Variants in CDC42BPA observed in about 807,000 individuals in gnomAD.
CDC42BPA encodes CDC42 binding protein kinase alpha, also known as serine/threonine-protein kinase MRCK alpha.
Under a neutral mutation model 223.5 loss-of-function variants are expected in CDC42BPA, and 80 were observed. That is an observed-to-expected ratio of 0.36 (90% CI 0.30 to 0.43). The LOEUF (loss-of-function observed/expected upper bound fraction) is 0.43. Ranked by LOEUF, CDC42BPA falls within the 20% of genes least tolerant of loss-of-function variation. CDC42BPA has a pLI of 1.00. For synonymous variants in CDC42BPA, 694 were observed against 718.6 expected, an observed-to-expected ratio of 0.97 and a Z score of 0.55; for missense variants, 1,743 against 2,099.9, an observed-to-expected ratio of 0.83 and a Z score of 3.32.
intron 35 of CDC42BPA, among the ~76,000 whole-genome samples, chr1:227,000,517 ACCTT>A (rs1429934941): frequency 6.6e-6 from 1 of 152,158 alleles, no homozygotes; most frequent in East Asian, 1.9e-4. Context: ...AAGTTATTTT[ACCTT>A]CCTGAGTTTC....
chr1:227,265,189 C>T (rs1435580235), intron 1 of CDC42BPA: 1 of 643,888 alleles, frequency 1.6e-6, no homozygotes, highest in Non-Finnish European at 2.9e-6. Context: ...AGCACAAACA[C>T]CAAAGCGTGC....
intron 23 of CDC42BPA, among the ~76,000 whole-genome samples, chr1:227,040,940 T>A (rs1349235000): frequency 6.6e-6 from 1 of 152,230 alleles, no homozygotes; most frequent in Admixed American, 6.5e-5. Flanking sequence ...TCTCTTAGCA[T>A]GTTTTAACAA....
chr1:226,992,224 G>C lies in CDC42BPA; in HGVS notation c.*2044C>G, dbSNP rs1660848233. 1.3e-5 allele frequency: 2 copies of C among 152,186 alleles called. No individual in the cohort carries two copies. The highest frequency in any genetic ancestry group is 6.5e-5 in the Admixed American group (1 of 15,280). The allele number at this position is 152,186 out of a possible 1,614,324, so 9.4% of individuals were successfully genotyped here. On this transcript the variant is annotated 3_prime_UTR_variant, in exon 37 of 37. Transcript: ENST00000366766. ...CTAAAGGGCCAACCCTTGGTATTCAGGTGAGAAAAGTATTTTTATACTTCA... is the reference window on the plus strand; with the variant it reads ...CTAAAGGGCCAACCCTTGGTATTCACGTGAGAAAAGTATTTTTATACTTCA...
At chr1:227,281,710 A>C (rs1052521628) in intron 1 of CDC42BPA, among the ~76,000 whole-genome samples, 1 of 152,152 alleles carries the variant, frequency 6.6e-6, no homozygotes, top group South Asian at 2.1e-4. Flanking sequence ...AAGTGCTCCA[A>C]CTCAGACAAT....
At chr1:227,260,609 G>A (rs895175778) in intron 1 of CDC42BPA, among the ~76,000 whole-genome samples, 2 of 151,174 alleles carry the variant, frequency 1.3e-5, no homozygotes, top group Admixed American at 6.6e-5. Context: ...GCATAAGTGA[G>A]AAGAAAAGAT....
Position 227,176,118 on chromosome 1 carries a change from A to C in CDC42BPA, c.600-15482T>G, listed in dbSNP as rs147284261. On this transcript the variant is annotated intron_variant, in intron 5 of 36. Transcript: ENST00000366766. The stretch of plus-strand genomic sequence containing the variant: ...CAGGCGTGTGATACCATACCGGGCT[A>C]ATTTTTGTATCTGTAGTAGAGACAG... 1.2e-3 allele frequency among the ~76,000 whole-genome samples: 185 copies of C among 152,152 alleles called. 5 individuals are homozygous for C. In the East Asian group the frequency reaches 0.027, roughly 22 times the overall value.
intron 2 of CDC42BPA, among the ~76,000 whole-genome samples, chr1:227,247,072 G>A (rs1043345747): frequency 6.6e-6 from 1 of 151,732 alleles, no homozygotes; most frequent in Admixed American, 6.6e-5. Context: ...GTGGTGGTGG[G>A]TGCCTGTAAT....
intron 10 of CDC42BPA, among the ~76,000 whole-genome samples, chr1:227,133,958 A>C (rs1657933010): frequency 7.2e-6 from 1 of 139,004 alleles, no homozygotes; most frequent in Non-Finnish European, 1.5e-5. Flanking sequence ...AAGAATGATC[A>C]ATAAAAAAAT....
At chr1:227,187,713 C>A (rs1669063983) in intron 5 of CDC42BPA, among the ~76,000 whole-genome samples, 1 of 102,880 alleles carries the variant, frequency 9.7e-6, no homozygotes, top group Non-Finnish European at 1.8e-5. Flanking sequence ...TATACCTAGG[C>A]ACACCATTTT....
rs1397421597 is a variant in CDC42BPA, at chr1:226,994,570, C to G, written c.5134-171G>C. On this transcript the variant is annotated intron_variant, in intron 36 of 36. Transcript: ENST00000366766. The surrounding 1 kb of genome is among the most constrained non-coding windows in gnomAD (Gnocchi z 4.0). ...AGCTGAGGAAGAGGCACGGAACATA[C>G]AAGCTCCGTCCTTTCTGTAGGCCTT... is the stretch of plus-strand genomic sequence containing the variant. 6.6e-6 allele frequency among the ~76,000 whole-genome samples: 1 copy of G among 152,186 alleles called. No homozygotes were observed. The highest frequency in any genetic ancestry group is 2.4e-5 in the African/African-American group (1 of 41,456).
At chr1:227,010,153 T>C (rs188998228) in intron 34 of CDC42BPA, among the ~76,000 whole-genome samples, 6 of 152,270 alleles carry the variant, frequency 3.9e-5, no homozygotes, top group African/African-American at 1.4e-4. Flanking sequence ...TCCACCCTAC[T>C]GCAAAGCCAC....
intron 15 of CDC42BPA, among the ~76,000 whole-genome samples, chr1:227,093,804 G>A (rs1025314433): frequency 6.6e-6 from 1 of 152,082 alleles, no homozygotes; most frequent in South Asian, 2.1e-4. Context: ...TTTTGTCTCA[G>A]TTTCTGTCTT....
intron 35 of CDC42BPA, among the ~76,000 whole-genome samples, chr1:227,000,787 A>G (rs1244020317): frequency 2.0e-5 from 3 of 151,924 alleles, no homozygotes; most frequent in Non-Finnish European, 4.4e-5. Context: ...CTTTTCAAAG[A>G]AAGGTTACAT....
At position 227,042,127 on chromosome 1, in the gene CDC42BPA, T is replaced by C. The variant is rs140391882; in HGVS notation, c.3094-1891A>G. 4.4e-3 allele frequency among the ~76,000 whole-genome samples: 674 copies of C among 152,242 alleles called. 3 individuals carry two copies. The highest frequency in any genetic ancestry group is 0.015 in the African/African-American group (627 of 41,536). ...ATTTTACTGGTTAGTCCTAGAGGCTTTGAATACAAAGAAGGAAAAATTAAT... is the reference window on the plus strand; with the variant it reads ...ATTTTACTGGTTAGTCCTAGAGGCTCTGAATACAAAGAAGGAAAAATTAAT... On this transcript the variant is annotated intron_variant, in intron 23 of 36. Coordinates refer to ENST00000366766, the MANE Select transcript of CDC42BPA (RefSeq NM_001394014.1).
At chr1:227,237,616 T>C (rs1679288499) in intron 2 of CDC42BPA, among the ~76,000 whole-genome samples, 1 of 152,250 alleles carries the variant, frequency 6.6e-6, no homozygotes, top group Admixed American at 6.5e-5. Context: ...ATATTTGGGT[T>C]GTGTTTCTCT....
chr1:227,103,144 C>G (rs936457333), intron 14 of CDC42BPA, among the ~76,000 whole-genome samples: 3 of 152,038 alleles, frequency 2.0e-5, no homozygotes, highest in African/African-American at 7.2e-5. Context: ...AATTGTCTCT[C>G]TGACCAACAT....
intron 16 of CDC42BPA, among the ~76,000 whole-genome samples, chr1:227,088,662 G>A (rs750376213): frequency 1.3e-5 from 2 of 152,010 alleles, no homozygotes; most frequent in African/African-American, 2.4e-5. Flanking sequence ...GGCATAAATG[G>A]CTGATTTTTA....
chr1:227,065,319 C>T (rs1040498286), intron 21 of CDC42BPA, among the ~76,000 whole-genome samples: 3 of 152,128 alleles, frequency 2.0e-5, no homozygotes, highest in African/African-American at 7.2e-5. Context: ...CTAAGGTTTT[C>T]TCCTTCAAAA....
At chr1:227,133,766 C>G (rs1657873550) in intron 10 of CDC42BPA, among the ~76,000 whole-genome samples, 1 of 151,944 alleles carries the variant, frequency 6.6e-6, no homozygotes, top group Non-Finnish European at 1.5e-5. Context: ...TTGAAGGCAG[C>G]ATGCTCGTTG....
Sources: allele counts gnomAD v4.1 joint callset (sites outside exome capture counted in the v4.1 genomes callset), GRCh38; gene constraint gnomAD v4.1.1; non-coding constraint Gnocchi (gnomAD v3.1); transcripts MANE v1.5; gene names NCBI Gene and HGNC (gene_info 2026-07-23, HGNC 2026-07-21).